Variants in ECT2 observed in about 807,000 individuals in gnomAD.
ECT2 encodes protein ECT2.
Under a neutral mutation model 116.9 loss-of-function variants are expected in ECT2, and 61 were observed. That is an observed-to-expected ratio of 0.52 (90% CI 0.42 to 0.65). ECT2 has a LOEUF of 0.65. ECT2 is among the 30% of genes least tolerant of loss of function. The pLI, the probability that ECT2 is intolerant of heterozygous loss-of-function variation, is 0.00. For synonymous variants in ECT2, 358 were observed against 346.4 expected (o/e 1.03, Z -0.37); for missense variants, 937 against 1,078.7 (o/e 0.87, Z 1.84).
intron 12 of ECT2, among the ~76,000 whole-genome samples, chr3:172,767,602 CT>C (rs1389325114): frequency 5.3e-5 from 8 of 152,064 alleles, no homozygotes; most frequent in Admixed American, 1.3e-4. Context: ...TGTTGAAAAA[CT>C]TGCTATTAGG....
intron 14 of ECT2, among the ~76,000 whole-genome samples, chr3:172,774,480 T>G (rs987664007): frequency 2.0e-5 from 3 of 151,214 alleles, no homozygotes; most frequent in Non-Finnish European, 4.4e-5. Flanking sequence ...ATCTTAGGTA[T>G]GAGACACCAT....
intron 13 of ECT2, among the ~76,000 whole-genome samples, chr3:172,772,851 G>A (rs906744809): frequency 3.3e-5 from 5 of 152,142 alleles, no homozygotes; most frequent in Non-Finnish European, 5.9e-5. Context: ...TTGTAATACC[G>A]TTTGTTGAAA....
chr3:172,800,440 T>G (rs371540439), intron 18 of ECT2, among the ~76,000 whole-genome samples: 1 of 152,162 alleles, frequency 6.6e-6, no homozygotes, highest in Admixed American at 6.5e-5. Flanking sequence ...ATAATAACAT[T>G]TTTTTCTAAT....
chr3:172,774,048 A>G (rs1272622406), intron 14 of ECT2, 26 bp downstream of exon 14: 1 of 1,600,100 alleles, frequency 6.2e-7, no homozygotes, highest in Non-Finnish European at 8.6e-7. Context: ...TTAGATTGGT[A>G]GTAATTTTTT....
At chr3:172,774,100 G>GC in intron 14 of ECT2, 78 bp downstream of exon 14, 1 of 1,418,236 alleles carries the variant, frequency 7.1e-7, no homozygotes, top group South Asian at 1.3e-5. Context: ...GGTACTTCTG[G>GC]TTAGCTAAAT....
chr3:172,766,218 A>C (rs886536300), intron 12 of ECT2, among the ~76,000 whole-genome samples: 1 of 152,218 alleles, frequency 6.6e-6, no homozygotes, highest in Non-Finnish European at 1.5e-5. Context: ...AAGAGGAGCA[A>C]ATATACAGAT....
intron 13 of ECT2, among the ~76,000 whole-genome samples, chr3:172,769,984 A>G (rs1048878458): frequency 1.3e-5 from 2 of 152,218 alleles, no homozygotes; most frequent in African/African-American, 2.4e-5. Flanking sequence ...TTAAGGGCCA[A>G]TTTAATAGCC....
intron 22 of ECT2, among the ~76,000 whole-genome samples, chr3:172,810,816 A>G (rs1477690768): frequency 1.3e-5 from 2 of 152,178 alleles, no homozygotes; most frequent in Non-Finnish European, 2.9e-5. Flanking sequence ...CAAAATCTAT[A>G]GCTGAGGCTC....
intron 18 of ECT2, among the ~76,000 whole-genome samples, chr3:172,793,945 G>T (rs1725154739): frequency 6.6e-6 from 1 of 151,162 alleles, no homozygotes; most frequent in African/African-American, 2.4e-5. Flanking sequence ...AAAAAATTGT[G>T]TTTTTTTTGT....
At chr3:172,812,792 A>G (rs975140741) in intron 22 of ECT2, among the ~76,000 whole-genome samples, 3 of 152,188 alleles carry the variant, frequency 2.0e-5, no homozygotes, top group Non-Finnish European at 4.4e-5. Context: ...AAATTCTATC[A>G]AATAGTAGGT....
intron 14 of ECT2, among the ~76,000 whole-genome samples, chr3:172,778,291 C>CT (rs2108604245): frequency 6.6e-6 from 1 of 152,268 alleles, no homozygotes; most frequent in Non-Finnish European, 1.5e-5. Flanking sequence ...ATGAGAATTT[C>CT]TGATGTATTA....
chr3:172,767,314 G>T (rs1320421738), intron 12 of ECT2, among the ~76,000 whole-genome samples: 1 of 151,990 alleles, frequency 6.6e-6, no homozygotes, highest in African/African-American at 2.4e-5. Flanking sequence ...GGTGGTGTGC[G>T]CCTGTAATCC....
intron 13 of ECT2, among the ~76,000 whole-genome samples, chr3:172,771,990 G>T (rs1410373108): frequency 1.3e-5 from 2 of 151,918 alleles, no homozygotes; most frequent in African/African-American, 4.8e-5. Context: ...TCTGAGTTTT[G>T]AGAATTCTTT....
chr3:172,763,114 G>C, intron 11 of ECT2, 142 bp downstream of exon 11: 1 of 794,946 alleles, frequency 1.3e-6, no homozygotes, highest in South Asian at 1.9e-5. Context: ...CTTAGTCTAT[G>C]TAGATTTAAG....
chr3:172,791,365 G>T (rs113542809), intron 18 of ECT2, among the ~76,000 whole-genome samples: 1,569 of 152,274 alleles, frequency 0.01, 34 homozygotes, highest in African/African-American at 0.035. Context: ...CTGAAACCAG[G>T]TATTGACTTC....
chr3:172,753,383 C>T (rs1007328912), intron 1 of ECT2, among the ~76,000 whole-genome samples: 1 of 152,172 alleles, frequency 6.6e-6, no homozygotes, highest in Non-Finnish European at 1.5e-5. Context: ...CAGATGTGAG[C>T]CCCCAACCCA....
chr3:172,767,250 G>A (rs1719616934), intron 12 of ECT2, among the ~76,000 whole-genome samples: 1 of 152,204 alleles, frequency 6.6e-6, no homozygotes, highest in African/African-American at 2.4e-5. Flanking sequence ...AGACCAGCCT[G>A]ACCAACATGG....
chr3:172,759,223 A>G (rs3733026), intron 6 of ECT2, among the ~76,000 whole-genome samples, 154 bp downstream of exon 6: 4,825 of 152,288 alleles, frequency 0.032, 161 homozygotes, highest in East Asian at 0.16. Context: ...TGAAGAAACA[A>G]ATCCTGAAGA....
At chr3:172,760,111 T>C (rs1717929276) in intron 6 of ECT2, 45 bp from the exon 7 acceptor site, 5 of 1,359,354 alleles carry the variant, frequency 3.7e-6, no homozygotes, top group Non-Finnish European at 5.1e-6. Flanking sequence ...TAAAATTTTG[T>C]TCAAATTAAC....
Sources: gnomAD v4.1 joint callset for allele counts (sites outside exome capture counted in the v4.1 genomes callset) on GRCh38, gnomAD v4.1.1 for gene constraint, MANE v1.5 for transcripts, NCBI Gene and HGNC (gene_info 2026-07-23, HGNC 2026-07-21) for gene names.